The following ANO3 variants were observed in gnomAD, a reference collection of about 807,000 sequenced individuals.
ANO3 encodes anoctamin-3.
In ANO3, 99 loss-of-function variants were observed where a neutral mutation model predicts 144.8. The observed-to-expected ratio is 0.68, with a 90% confidence interval of 0.58 to 0.81. The LOEUF (loss-of-function observed/expected upper bound fraction) is 0.81. Among genes scored for constraint, ANO3 ranks in the 30% least tolerant of loss-of-function variants. The pLI is 0.00. For missense variants in ANO3, 905 were observed against 1,202.2 expected (o/e 0.75, Z 3.66); for synonymous variants, 414 against 392.6 (o/e 1.05, Z -0.64).
chr11:26,413,397 A>AT (rs1192518880), intron 1 of ANO3, among the ~76,000 whole-genome samples: 3 of 151,796 alleles, frequency 2.0e-5, no homozygotes, highest in Admixed American at 6.6e-5. Flanking sequence ...GATGCCATGC[A>AT]TTTTTTTGGA....
At chr11:26,606,012 C>G (rs555341960) in intron 17 of ANO3, among the ~76,000 whole-genome samples, 138 of 152,160 alleles carry the variant, frequency 9.1e-4, no homozygotes, top group Middle Eastern at 3.4e-3. Context: ...TTCTCTAGTT[C>G]TTTAAATTGT....
At chr11:26,362,002 C>T (rs923620429) in intron 1 of ANO3, among the ~76,000 whole-genome samples, 6 of 152,126 alleles carry the variant, frequency 3.9e-5, no homozygotes, top group African/African-American at 1.4e-4. Flanking sequence ...TTGTACAGTA[C>T]TCCCTCCATT....
intron 1 of ANO3, among the ~76,000 whole-genome samples, chr11:26,280,591 A>T (rs555475723): frequency 6.6e-6 from 1 of 152,240 alleles, no homozygotes; most frequent in African/African-American, 2.4e-5. Flanking sequence ...AGCTGATTTG[A>T]TGGTTCCCAC....
intron 1 of ANO3, among the ~76,000 whole-genome samples, chr11:26,364,864 T>C (rs1856022376): frequency 1.3e-5 from 2 of 152,086 alleles, no homozygotes; most frequent in African/African-American, 4.8e-5. Flanking sequence ...CCACCCCAAA[T>C]CTCATATCCC....
intron 1 of ANO3, among the ~76,000 whole-genome samples, chr11:26,311,580 TG>T (rs1854502197): frequency 6.6e-6 from 1 of 152,162 alleles, no homozygotes; most frequent in African/African-American, 2.4e-5. Flanking sequence ...TGTGTGTAGG[TG>T]AAGATATTAC....
chr11:26,626,341 T>G (rs1298456276), intron 18 of ANO3, among the ~76,000 whole-genome samples: 1 of 152,222 alleles, frequency 6.6e-6, no homozygotes, highest in East Asian at 1.9e-4. Flanking sequence ...GGAGCAGGAC[T>G]GGATAAGGAG....
At chr11:26,288,609 C>T (rs74996139) in intron 1 of ANO3, among the ~76,000 whole-genome samples, 5,033 of 152,104 alleles carry the variant, frequency 0.033, 156 homozygotes, top group African/African-American at 0.088. Context: ...ACACTCCTTC[C>T]AATTTCAGAT....
At position 26,232,225 on chromosome 11, in the gene ANO3, G is replaced by C. The variant is rs577648534; in HGVS notation, c.154+42895G>C. ...CAGGTGTTACAATATGAACCCATGA[G>C]GGTTAAATCTAGAGGTCCTTCCAAA... On this transcript the variant is annotated intron_variant, in intron 1 of 27. Coordinates refer to the ANO3 transcript ENST00000672621. 2.0e-5 allele frequency among the ~76,000 whole-genome samples: 3 copies of C among 152,252 alleles called. No homozygotes were observed. In the South Asian group the frequency reaches 6.2e-4, roughly 32 times the overall value.
chr11:26,388,805 C>T (rs1187175776), intron 1 of ANO3, among the ~76,000 whole-genome samples: 1 of 152,056 alleles, frequency 6.6e-6, no homozygotes, highest in Non-Finnish European at 1.5e-5. Context: ...GGGAATTAAG[C>T]ATGTATAAAT....
intron 1 of ANO3, among the ~76,000 whole-genome samples, chr11:26,313,707 G>T (rs1455473963): frequency 6.6e-6 from 1 of 151,536 alleles, no homozygotes; most frequent in Non-Finnish European, 1.5e-5. Flanking sequence ...AAAAAAGAAA[G>T]AAAGAAAATT....
intron 26 of ANO3, among the ~76,000 whole-genome samples, chr11:26,657,191 T>C (rs1463703374): frequency 1.3e-5 from 2 of 152,160 alleles, no homozygotes; most frequent in African/African-American, 2.4e-5. Flanking sequence ...AAGGTAGCTA[T>C]GACTAAGACT....
At chr11:26,295,539 A>T (rs1457449266) in intron 1 of ANO3, among the ~76,000 whole-genome samples, 1 of 149,212 alleles carries the variant, frequency 6.7e-6, no homozygotes, top group Non-Finnish European at 1.5e-5. Flanking sequence ...AAAAAAAAAA[A>T]ATTAATAGAT....
chr11:26,308,276 T>C (rs2133868544), upstream of ANO3, among the ~76,000 whole-genome samples: 1 of 152,318 alleles, frequency 6.6e-6, no homozygotes, highest in South Asian at 2.1e-4. Flanking sequence ...TTACACATAC[T>C]GGGTCTCAGT....
At chr11:26,520,326 G>A (rs1430572780) in intron 6 of ANO3, among the ~76,000 whole-genome samples, 1 of 152,022 alleles carries the variant, frequency 6.6e-6, no homozygotes, top group East Asian at 1.9e-4. Flanking sequence ...TTACCTGGTA[G>A]GAATGCATGT....
chr11:26,286,748 G>T (rs888393663), intron 1 of ANO3, among the ~76,000 whole-genome samples: 1 of 152,136 alleles, frequency 6.6e-6, no homozygotes, highest in African/African-American at 2.4e-5. Flanking sequence ...TAGACACAAA[G>T]CTCCTCAAAT....
chr11:26,394,634 G>A (rs1352663506), intron 1 of ANO3, among the ~76,000 whole-genome samples: 1 of 140,340 alleles, frequency 7.1e-6, no homozygotes, highest in Non-Finnish European at 1.5e-5. Context: ...CCGGAATACA[G>A]TGGCGTGATC....
chr11:26,284,640 C>T (rs574368262), intron 1 of ANO3, among the ~76,000 whole-genome samples: 9 of 152,258 alleles, frequency 5.9e-5, no homozygotes, highest in African/African-American at 2.2e-4. Flanking sequence ...TGGCTCACTC[C>T]TGTAATCCCA....
At position 26,378,310 on chromosome 11, in the gene ANO3, TATAG is replaced by T. The variant is rs545541753; in HGVS notation, c.46+46000_46+46003del. 3.4e-3 allele frequency among the ~76,000 whole-genome samples: 514 copies of T among 149,168 alleles called. 2 individuals are homozygous for T. Among genetic ancestry groups the T allele is most frequent in the Non-Finnish European group, 4.8e-3 (322 of 67,350 alleles). ...AGACTCTCATGAGGTATACTATATATATAGATAGATAGATCTATATTAACTATAG... is the reference window on the plus strand; with the variant it reads ...AGACTCTCATGAGGTATACTATATATATAGATAGATCTATATTAACTATAG... On this transcript the variant is annotated intron_variant, in intron 1 of 26. Coordinates refer to ENST00000256737, the MANE Select transcript of ANO3 (RefSeq NM_031418.4).
chr11:26,203,427 T>C (rs369948926), intron 1 of ANO3, among the ~76,000 whole-genome samples: 47 of 152,210 alleles, frequency 3.1e-4, no homozygotes, highest in South Asian at 1.0e-3. Flanking sequence ...AAGTTTTACA[T>C]GGCACAGGAG....
Sources: gnomAD v4.1 joint callset for allele counts (sites outside exome capture counted in the v4.1 genomes callset) on GRCh38, gnomAD v4.1.1 for gene constraint, MANE v1.5 for transcripts, NCBI Gene and HGNC (gene_info 2026-07-23, HGNC 2026-07-21) for gene names.